Variants in TAPT1 observed in about 807,000 individuals in gnomAD.
The protein encoded by TAPT1 is transmembrane anterior posterior transformation protein 1 homolog.
A neutral mutation model predicts 65.6 loss-of-function variants in TAPT1; 28 were observed. The observed-to-expected ratio is 0.43, with a 90% CI of 0.32 to 0.59. TAPT1 has a LOEUF of 0.59. TAPT1 is among the 20% of genes least tolerant of loss of function. The pLI, the probability that TAPT1 is intolerant of heterozygous loss-of-function variation, is 0.09. For synonymous variants in TAPT1, 278 were observed against 245.2 expected, an observed-to-expected ratio of 1.13 and a Z score of -1.25; for missense variants, 563 against 679.9, an observed-to-expected ratio of 0.83 and a Z score of 1.91.
intron 6 of TAPT1, 59 bp from the exon 7 acceptor site, chr4:16,186,663 G>T: frequency 1.4e-6 from 2 of 1,397,980 alleles, no homozygotes; most frequent in Non-Finnish European, 2.0e-6. Flanking sequence ...AACTGGACTT[G>T]CTACTTATAA....
At chr4:16,172,354 T>C (rs1283243694) in intron 11 of TAPT1, among the ~76,000 whole-genome samples, 1 of 148,840 alleles carries the variant, frequency 6.7e-6, no homozygotes, top group African/African-American at 2.5e-5. Context: ...GACCAATCCT[T>C]ACAAAAAAAA....
intron 3 of TAPT1, among the ~76,000 whole-genome samples, chr4:16,193,363 G>T (rs718479): frequency 2.6e-5 from 4 of 152,072 alleles, no homozygotes; most frequent in African/African-American, 9.7e-5. Context: ...ATTGCATCAC[G>T]GCCAAAGTTG....
chr4:16,167,251 A>G (rs1444398335), intron 12 of TAPT1, among the ~76,000 whole-genome samples: 1 of 151,936 alleles, frequency 6.6e-6, no homozygotes, highest in African/African-American at 2.4e-5. Context: ...TCGGCCTCCC[A>G]AAGTGCTGGG....
At chr4:16,164,448 C>A (rs1747449418) in intron 13 of TAPT1, among the ~76,000 whole-genome samples, 1 of 152,200 alleles carries the variant, frequency 6.6e-6, no homozygotes, top group South Asian at 2.1e-4. Flanking sequence ...CCAAGACATT[C>A]TGAGCAAACA....
intron 3 of TAPT1, among the ~76,000 whole-genome samples, chr4:16,198,996 A>G (rs1157441851): frequency 1.3e-5 from 2 of 152,166 alleles, no homozygotes; most frequent in Non-Finnish European, 2.9e-5. Flanking sequence ...TGTAAGCACA[A>G]ATTACTCAAT....
intron 11 of TAPT1, 67 bp downstream of exon 11, chr4:16,174,137 T>C: frequency 8.5e-7 from 1 of 1,170,728 alleles, no homozygotes. Flanking sequence ...ATATTAATAA[T>C]CCATTTATTA....
At chr4:16,163,966 T>C (rs1747418734) in intron 13 of TAPT1, among the ~76,000 whole-genome samples, 1 of 152,172 alleles carries the variant, frequency 6.6e-6, no homozygotes, top group Non-Finnish European at 1.5e-5. Context: ...CAGCTACAGA[T>C]GGTTTAGCAT....
intron 11 of TAPT1, among the ~76,000 whole-genome samples, chr4:16,171,326 AC>A (rs144239312): frequency 3.1e-3 from 477 of 152,348 alleles, no homozygotes; most frequent in Non-Finnish European, 5.4e-3. Flanking sequence ...TCTTTTGGAT[AC>A]AGTTAACTAT....
intron 12 of TAPT1, among the ~76,000 whole-genome samples, chr4:16,167,614 G>A (rs1027406303): frequency 6.6e-6 from 1 of 152,182 alleles, no homozygotes; most frequent in African/African-American, 2.4e-5. Flanking sequence ...GTGGAGTCCT[G>A]AGTCCACTGC....
intron 3 of TAPT1, among the ~76,000 whole-genome samples, chr4:16,194,280 G>C (rs1749557194): frequency 6.6e-6 from 1 of 152,190 alleles, no homozygotes; most frequent in Admixed American, 6.5e-5. Context: ...CACTGTTCTA[G>C]ACACTCCACA....
At chr4:16,199,456 A>T (rs1749906709) in intron 3 of TAPT1, among the ~76,000 whole-genome samples, 1 of 152,232 alleles carries the variant, frequency 6.6e-6, no homozygotes, top group Admixed American at 6.5e-5. Context: ...CATCTTATGC[A>T]CTACAAAAAA....
chr4:16,186,672 A>G, intron 6 of TAPT1, 68 bp from the exon 7 acceptor site: 4 of 1,383,796 alleles, frequency 2.9e-6, no homozygotes, highest in Non-Finnish European at 4.0e-6. Flanking sequence ...TGCTACTTAT[A>G]AAACTTCCGG....
rs531217824 is a variant in TAPT1 at position 16,162,160 on chromosome 4, C to T, written c.*1148G>A. The stretch of plus-strand genomic sequence containing the variant: ...CCCCACACCAACAGCCACCCATACG[C>T]CTCAAACACCCCATTTACTTTCACA... On this transcript the variant is annotated 3_prime_UTR_variant, in exon 14 of 14. Coordinates refer to ENST00000405303, the MANE Select transcript of TAPT1 (RefSeq NM_153365.3). 130 of 153,000 alleles carry T rather than the reference C, an allele frequency of 8.5e-4. No individual in the cohort carries two copies. Among genetic ancestry groups the T allele is most frequent in the Non-Finnish European group, 1.6e-3 (107 of 68,198 alleles). The allele number at this position is 153,000 out of a possible 1,614,324, so 9.5% of individuals were successfully genotyped here.
chr4:16,224,642 G>C (rs1157203505), intron 1 of TAPT1, among the ~76,000 whole-genome samples: 1 of 152,146 alleles, frequency 6.6e-6, no homozygotes, highest in African/African-American at 2.4e-5. Flanking sequence ...GCTAAACCTG[G>C]AGGCATCTCC....
Position 16,163,170 on chromosome 4 carries a change from G to A in TAPT1, c.*138C>T. The A allele has an allele frequency of 1.4e-6, 1 of 707,350 alleles. No individual in the cohort carries two copies. Among genetic ancestry groups the A allele is most frequent in the Non-Finnish European group, 2.4e-6 (1 of 410,392 alleles). 43.8% of individuals were successfully genotyped at this position (707,350 alleles called of 1,614,324 possible). ...AGCCAGGCCATATTACTGGAAGAAA[G>A]ATACTAAGATTTGCTTGCCAATAAT... On this transcript the variant is annotated 3_prime_UTR_variant, in exon 14 of 14. Transcript: ENST00000405303.
chr4:16,166,991 C>T (rs865964710), intron 12 of TAPT1, 198 bp from the exon 13 acceptor site: 226 of 160,500 alleles, frequency 1.4e-3, no homozygotes, highest in South Asian at 3.1e-3. Context: ...CCTTAGTTCT[C>T]TTTTTTTTTT....
intron 11 of TAPT1, among the ~76,000 whole-genome samples, chr4:16,171,252 A>G (rs1560152282): frequency 4.6e-5 from 7 of 152,194 alleles, no homozygotes; most frequent in Admixed American, 4.6e-4. Context: ...TGGAACCTTA[A>G]AAGTTTTGTA....
chr4:16,186,691 C>T (rs1421479361), intron 6 of TAPT1, 87 bp from the exon 7 acceptor site: 1 of 1,364,190 alleles, frequency 7.3e-7, no homozygotes, highest in East Asian at 2.3e-5. Flanking sequence ...GGGAGAACAA[C>T]ATATAGAACA....
intron 3 of TAPT1, among the ~76,000 whole-genome samples, chr4:16,194,845 G>C (rs1321591857): frequency 1.4e-5 from 2 of 147,348 alleles, no homozygotes; most frequent in Non-Finnish European, 2.9e-5. Context: ...TAAAAAACAA[G>C]GGTCTTGATT....
Sources: allele counts gnomAD v4.1 joint callset (sites outside exome capture counted in the v4.1 genomes callset), GRCh38; gene constraint gnomAD v4.1.1; transcripts MANE v1.5; gene names NCBI Gene and HGNC (gene_info 2026-07-23, HGNC 2026-07-21).